Variants in AGAP1 observed in about 807,000 individuals in gnomAD.
AGAP1 encodes arf-GAP with GTPase, ANK repeat and PH domain-containing protein 1.
Under a neutral mutation model 105.3 loss-of-function variants are expected in AGAP1, and 29 were observed. The ratio of observed to expected loss-of-function variants is 0.28; its 90% CI spans 0.21 to 0.38. The LOEUF (loss-of-function observed/expected upper bound fraction) is 0.38, where lower values mean the gene tolerates loss of function less well. Among genes scored for constraint, AGAP1 ranks in the 10% least tolerant of loss-of-function variants. The probability of loss-of-function intolerance (pLI) is 1.00; values close to 1 mark genes in which losing one functional copy is unlikely to be tolerated. For missense variants in AGAP1, 998 were observed against 1,165.1 expected (o/e 0.86, Z 2.09); for synonymous variants, 509 against 485.9 (o/e 1.05, Z -0.63).
chr2:235,866,869 G>A lies in AGAP1; in HGVS notation c.1051-16476G>A, dbSNP rs962914566. Among the ~76,000 whole-genome samples the A allele has an allele frequency of 1.2e-4, 18 of 152,056 alleles. No homozygotes were observed. Among genetic ancestry groups the A allele is most frequent in the Non-Finnish European group, 2.4e-4 (16 of 68,026 alleles). ...AAGGACAACAGTCATATTGGATTAG[G>A]GCCCATCCTAACAGCCTTATTTTAA... On this transcript the variant is annotated intron_variant, in intron 9 of 17. Coordinates refer to ENST00000304032, the MANE Select transcript of AGAP1 (RefSeq NM_001037131.3). The surrounding 1 kb of genome is among the most constrained non-coding windows in gnomAD (Gnocchi z 6.1).
At chr2:236,047,252 C>G (rs373494651) in intron 15 of AGAP1, among the ~76,000 whole-genome samples, 127 of 152,206 alleles carry the variant, frequency 8.3e-4, no homozygotes, top group African/African-American at 2.9e-3. Flanking sequence ...CGTCCATGGT[C>G]AGGAGGTAGA....
At chr2:235,521,738 ATATATGTG>A (rs1276696397) in intron 1 of AGAP1, among the ~76,000 whole-genome samples, 30 of 116,736 alleles carry the variant, frequency 2.6e-4, no homozygotes, top group African/African-American at 1.0e-3. Context: ...TGTTTGTTAT[ATATATGTG>A]TGTGTGTGTG....
chr2:235,807,162 A>G, intron 8 of AGAP1, 77 bp from the exon 9 acceptor site: 3 of 1,442,180 alleles, frequency 2.1e-6, no homozygotes, highest in Non-Finnish European at 2.9e-6. Flanking sequence ...ATTGGCAGGA[A>G]TTCTGCAAAC....
At position 236,125,473 on chromosome 2, in the gene AGAP1, A is replaced by C. The variant is rs148330223; in HGVS notation, c.*1351A>C. 6.6e-6 allele frequency: 1 copy of C among 152,364 alleles called. No homozygotes were observed. Among genetic ancestry groups the C allele is most frequent in the East Asian group, 1.9e-4 (1 of 5,184 alleles). The allele number at this position is 152,364 out of a possible 1,614,324, so 9.4% of individuals were successfully genotyped here. ...ACAATTTGCTTATTAAAATTGAGAA[A>C]GAAAAAAAAAGACACACTGGAGTAT... On this transcript the variant is annotated 3_prime_UTR_variant, in exon 18 of 18. Transcript: ENST00000304032. This position sits in a 1 kb window ranked among gnomAD's most constrained non-coding sequence, Gnocchi z 5.2.
Position 235,611,965 on chromosome 2 carries a change from A to C in AGAP1, c.164-97214A>C, listed in dbSNP as rs947175820. Among the ~76,000 whole-genome samples, 2 of 152,156 alleles carry C rather than the reference A, an allele frequency of 1.3e-5. No homozygotes were observed. Among genetic ancestry groups the C allele is most frequent in the Non-Finnish European group, 2.9e-5 (2 of 68,024 alleles). Reference sequence around the variant, plus strand: ...AGACCACATCCTAGGTGGCGGTCACAAACCCGGCCCAGCGGCCTCCCTGCT... The same window carrying C: ...AGACCACATCCTAGGTGGCGGTCACCAACCCGGCCCAGCGGCCTCCCTGCT... On this transcript the variant is annotated intron_variant, in intron 1 of 17. Coordinates refer to ENST00000304032, the MANE Select transcript of AGAP1 (RefSeq NM_001037131.3). This position sits in a 1 kb window ranked among gnomAD's most constrained non-coding sequence, Gnocchi z 5.0.
intron 1 of AGAP1, among the ~76,000 whole-genome samples, chr2:235,543,722 G>C (rs1382876861): frequency 6.6e-6 from 1 of 152,188 alleles, no homozygotes; most frequent in Non-Finnish European, 1.5e-5. Context: ...GGCCTAGGAG[G>C]CTGGGCTGAA....
chr2:235,763,985 T>C (rs1354929010), intron 6 of AGAP1, among the ~76,000 whole-genome samples: 1 of 101,808 alleles, frequency 9.8e-6, no homozygotes, highest in African/African-American at 4.4e-5. Context: ...TCTGAAGATC[T>C]GTGTGTGGCT....
At position 236,101,219 on chromosome 2, in the gene AGAP1, T is replaced by G. The variant is rs752636322; in HGVS notation, c.2115-18973T>G. Among the ~76,000 whole-genome samples, 11 of 152,174 alleles carry G rather than the reference T, an allele frequency of 7.2e-5. No individual in the cohort carries two copies. Among genetic ancestry groups the G allele is most frequent in the Non-Finnish European group, 1.6e-4 (11 of 68,030 alleles). ...ACTGTTTGTTTTTGGCTGTTGGAAC[T>G]GTTGTGATCCCCCACCACAAGCAGA... is the stretch of plus-strand genomic sequence containing the variant. On this transcript the variant is annotated intron_variant, in intron 16 of 17. Coordinates refer to ENST00000304032, the MANE Select transcript of AGAP1 (RefSeq NM_001037131.3). The surrounding 1 kb of genome is among the most constrained non-coding windows in gnomAD (Gnocchi z 4.9).
chr2:235,920,077 A>C (rs909696876), intron 11 of AGAP1, among the ~76,000 whole-genome samples: 1 of 152,156 alleles, frequency 6.6e-6, no homozygotes, highest in African/African-American at 2.4e-5. Context: ...TAATTCTAGG[A>C]TGTTGAATTC....
chr2:235,554,634 C>T (rs1162688784), intron 1 of AGAP1, among the ~76,000 whole-genome samples: 1 of 152,188 alleles, frequency 6.6e-6, no homozygotes, highest in Non-Finnish European at 1.5e-5. Context: ...GGAGCTGTTT[C>T]TTTCTTCTCT....
intron 1 of AGAP1, among the ~76,000 whole-genome samples, chr2:235,508,414 G>A (rs937183890): frequency 2.0e-5 from 3 of 152,192 alleles, no homozygotes; most frequent in Non-Finnish European, 4.4e-5. Context: ...TCCGCAGTTC[G>A]CAGCTCTCCT....
intron 1 of AGAP1, among the ~76,000 whole-genome samples, chr2:235,647,308 AC>A (rs79183812): frequency 4.1e-5 from 3 of 72,596 alleles, no homozygotes; most frequent in African/African-American, 1.7e-4. Flanking sequence ...ACTTGAGGGT[AC>A]CCATGTAGCA....
intron 5 of AGAP1, among the ~76,000 whole-genome samples, chr2:235,745,458 T>A (rs1952854504): frequency 6.6e-6 from 1 of 152,220 alleles, no homozygotes. Flanking sequence ...GTCCTCGCTC[T>A]TGATCACAGA....
intron 9 of AGAP1, chr2:235,852,547 C>T (rs939805755): frequency 1.8e-5 from 14 of 770,664 alleles, no homozygotes; most frequent in African/African-American, 8.9e-5. Context: ...GAAAGTTAGC[C>T]GTCAGTCAAG....
chr2:235,763,383 G>A (rs1372270587), intron 6 of AGAP1, among the ~76,000 whole-genome samples: 2 of 152,118 alleles, frequency 1.3e-5, no homozygotes, highest in Non-Finnish European at 2.9e-5. Context: ...CCACCCTGTG[G>A]TTATTGATTT....
At chr2:235,898,472 T>TCCCCCCCCCC (rs34001914) in intron 10 of AGAP1, among the ~76,000 whole-genome samples, 152 of 121,322 alleles carry the variant, frequency 1.3e-3, no homozygotes, top group African/African-American at 1.5e-3. Flanking sequence ...GAGGACAGGT[T>TCCCCCCCCCC]CCCCCCCCCA....
chr2:235,880,083 CTTTTTT>C (rs35633339), intron 9 of AGAP1, among the ~76,000 whole-genome samples: 1 of 138,886 alleles, frequency 7.2e-6, no homozygotes. Context: ...GCACTCTGGC[CTTTTTT>C]TTTTTTTTTT....
At position 235,744,163 on chromosome 2, in the gene AGAP1, A is replaced by G. The variant is rs1952749031; in HGVS notation, c.397-535A>G. Among the ~76,000 whole-genome samples, 1 of 152,250 alleles carries G rather than the reference A, an allele frequency of 6.6e-6. No individual in the cohort carries two copies. The highest frequency in any genetic ancestry group is 1.5e-5 in the Non-Finnish European group (1 of 68,046). On this transcript the variant is annotated intron_variant, in intron 4 of 17. Coordinates refer to ENST00000304032, the MANE Select transcript of AGAP1 (RefSeq NM_001037131.3). This position sits in a 1 kb window ranked among gnomAD's most constrained non-coding sequence, Gnocchi z 5.2. ...CAGAGGTGCAGCAGGAGTTCAGCCA[A>G]GGATGAGCCTGGGTTGAATCTTTAC... is the stretch of plus-strand genomic sequence containing the variant.
At chr2:235,512,643 A>C (rs1942198883) in intron 1 of AGAP1, among the ~76,000 whole-genome samples, 1 of 152,066 alleles carries the variant, frequency 6.6e-6, no homozygotes, top group African/African-American at 2.4e-5. Context: ...GTCCTCCCCC[A>C]TTCCTGCCTT....
Sources: allele counts gnomAD v4.1 joint callset (sites outside exome capture counted in the v4.1 genomes callset), GRCh38; gene constraint gnomAD v4.1.1; non-coding constraint Gnocchi (gnomAD v3.1); transcripts MANE v1.5; gene names NCBI Gene and HGNC (gene_info 2026-07-23, HGNC 2026-07-21).